The following COL1A2 variants were observed in gnomAD, a reference collection of about 807,000 sequenced individuals.
COL1A2 encodes the protein collagen type I alpha 2 chain, also known as collagen alpha-2(I) chain.
In COL1A2, 49 loss-of-function variants were observed where a neutral mutation model predicts 174.3. That is an observed-to-expected ratio of 0.28 (90% CI 0.22 to 0.36). The LOEUF (loss-of-function observed/expected upper bound fraction) is 0.36. COL1A2 is among the 10% of genes least tolerant of loss of function. COL1A2 has a pLI of 1.00. For missense variants in COL1A2, 1,438 were observed against 1,822.7 expected (o/e 0.79, Z 3.84); for synonymous variants, 655 against 606.6 (o/e 1.08, Z -1.17).
chr7:94,417,113 A>T (rs945470346), intron 31 of COL1A2, among the ~76,000 whole-genome samples: 3 of 152,226 alleles, frequency 2.0e-5, no homozygotes, highest in Non-Finnish European at 4.4e-5. Context: ...CATTAGTTGC[A>T]AAAAGCTATT....
rs529857471 is a variant in COL1A2 at position 94,424,849 on chromosome 7, T to C, written c.2674-268T>C. The C allele has an allele frequency of 1.3e-4, 66 of 512,256 alleles. 1 individual carries two copies. The South Asian group carries it at 1.3e-3, about 10-fold the overall frequency. 31.7% of individuals were successfully genotyped at this position (512,256 alleles called of 1,614,324 possible). ...CATCTCCATAAAATATATCAACTTT[T>C]TGAATTCATTTCATTTGGGATACTG... On this transcript the variant is annotated intron_variant, in intron 41 of 51. Transcript: ENST00000297268.
At chr7:94,415,317 T>C in intron 30 of COL1A2, 47 bp downstream of exon 30, 2 of 1,557,710 alleles carry the variant, frequency 1.3e-6, no homozygotes, top group Non-Finnish European at 1.8e-6. Context: ...AATGTGTTTT[T>C]AAAAGTAGTA....
At chr7:94,401,467 A>C in intron 5 of COL1A2, 100 bp from the exon 6 acceptor site, 1 of 465,676 alleles carries the variant, frequency 2.1e-6, no homozygotes. Context: ...TTAAATAACA[A>C]CAGAAAAATA....
At chr7:94,410,610 G>C (rs773404326) in intron 21 of COL1A2, 83 bp downstream of exon 21, 1 of 1,235,350 alleles carries the variant, frequency 8.1e-7, no homozygotes, top group Non-Finnish European at 1.2e-6. Context: ...CAAAATTACT[G>C]ACTGTGTTTT....
At chr7:94,408,264 C>T (rs2115888176) in intron 14 of COL1A2, 28 bp downstream of exon 14, 1 of 1,613,588 alleles carries the variant, frequency 6.2e-7, no homozygotes, top group South Asian at 1.1e-5. Flanking sequence ...TGTTCAGTTT[C>T]ATCCTTTTAA....
At chr7:94,426,831 G>GA (rs916974058) in intron 46 of COL1A2, 177 bp from the exon 47 acceptor site, 650 of 649,674 alleles carry the variant, frequency 1.0e-3, no homozygotes, top group African/African-American at 1.6e-3. Context: ...AATAGGTTGT[G>GA]AAAAAAAAAT....
At chr7:94,403,091 A>G (rs1791718501) in intron 6 of COL1A2, among the ~76,000 whole-genome samples, 1 of 152,158 alleles carries the variant, frequency 6.6e-6, no homozygotes, top group South Asian at 2.1e-4. Flanking sequence ...CAGTACCTAC[A>G]TCTCAAGAAG....
Position 94,424,307 on chromosome 7 carries a change from A to G in COL1A2, c.2566-29A>G, listed in dbSNP as rs371579053. On this transcript the variant is annotated intron_variant, in intron 40 of 51. Transcript: ENST00000297268. Reference sequence around the variant, plus strand: ...TGTGTTATCACCTAGGGTCTTACCCATAATACTCAGTATTTTTTCTCTATT... The same window carrying G: ...TGTGTTATCACCTAGGGTCTTACCCGTAATACTCAGTATTTTTTCTCTATT... 54 of 1,586,530 alleles carry G rather than the reference A, an allele frequency of 3.4e-5. No homozygotes were observed. In the African/African-American group the frequency reaches 5.5e-4, roughly 16 times the overall value.
At chr7:94,421,974 T>C (rs1359345281) in intron 39 of COL1A2, 22 bp downstream of exon 39, 2 of 1,610,582 alleles carry the variant, frequency 1.2e-6, no homozygotes, top group African/African-American at 2.7e-5. Flanking sequence ...ACTGTAAACG[T>C]GTCTTCATTT....
chr7:94,397,249 A>T (rs1158625328), intron 1 of COL1A2, among the ~76,000 whole-genome samples: 3 of 152,200 alleles, frequency 2.0e-5, no homozygotes, highest in Non-Finnish European at 4.4e-5. Flanking sequence ...AATGTTTTAT[A>T]AAAAAGTAAG....
chr7:94,428,130 A>T (rs1792321444), intron 49 of COL1A2, among the ~76,000 whole-genome samples, 163 bp from the exon 50 acceptor site: 1 of 152,160 alleles, frequency 6.6e-6, no homozygotes, highest in Non-Finnish European at 1.5e-5. Flanking sequence ...AGGGGAGGGA[A>T]GGAACTGTCT....
intron 41 of COL1A2, chr7:94,424,687 A>G (rs1196869412): frequency 5.6e-6 from 3 of 538,002 alleles, no homozygotes; most frequent in South Asian, 2.1e-5. Context: ...GCACTTAGGA[A>G]TGATACAATC....
chr7:94,406,569 C>T (rs1791802187), intron 12 of COL1A2, among the ~76,000 whole-genome samples: 1 of 151,916 alleles, frequency 6.6e-6, no homozygotes, highest in African/African-American at 2.4e-5. Flanking sequence ...TCCTTTCCTC[C>T]CTCTATAATT....
chr7:94,398,146 G>A (rs558127917), intron 2 of COL1A2, among the ~76,000 whole-genome samples: 3 of 152,202 alleles, frequency 2.0e-5, no homozygotes, highest in Admixed American at 2.0e-4. Context: ...AGTTGAATTT[G>A]AGGCATAAGT....
At chr7:94,409,135 A>T (rs1337531533) in intron 16 of COL1A2, among the ~76,000 whole-genome samples, 187 bp from the exon 17 acceptor site, 4 of 152,228 alleles carry the variant, frequency 2.6e-5, no homozygotes, top group Non-Finnish European at 5.9e-5. Flanking sequence ...TAGTAACAGT[A>T]GCCAAGATGG....
At chr7:94,427,166 A>G (rs1296307911) in intron 47 of COL1A2, 22 bp from the exon 48 acceptor site, 2 of 1,612,852 alleles carry the variant, frequency 1.2e-6, no homozygotes, top group South Asian at 1.1e-5. Flanking sequence ...GCTCACATGT[A>G]CCTGGTGTCT....
chr7:94,409,397 C>T lies in COL1A2; in HGVS notation c.868C>T (p.Leu290Phe). 6.2e-7 allele frequency: 1 copy of T among 1,614,136 alleles called. No individual in the cohort carries two copies. The highest frequency in any genetic ancestry group is 8.5e-7 in the Non-Finnish European group (1 of 1,180,028). Residue 290 changes from leucine (L) to phenylalanine (F), a missense_variant, in exon 17 of 52, where the codon CTC becomes TTC. Physicochemically the swap from Leu to Phe is conservative, Grantham distance 22. Coordinates refer to ENST00000297268, the MANE Select transcript of COL1A2 (RefSeq NM_000089.4). ...CCGTGGTGAAGTGGGTCTTCCAGGCCTCTCCGGCCCCGTTGGACCTCCTGT... is the reference window on the plus strand; with the variant it reads ...CCGTGGTGAAGTGGGTCTTCCAGGCTTCTCCGGCCCCGTTGGACCTCCTGT... ...GPRGEVGLPG[L>F]SGPVGPPGNP...
At chr7:94,409,505 AAAG>A (rs1562900886) in intron 17 of COL1A2, 56 bp from the exon 18 acceptor site, 1 of 1,612,798 alleles carries the variant, frequency 6.2e-7, no homozygotes, top group Non-Finnish European at 8.5e-7. Flanking sequence ...AGATGGGGTC[AAAG>A]AAGAACCGAA....
At position 94,419,615 on chromosome 7, in the gene COL1A2, AAG is replaced by A. The variant is rs1792110779; in HGVS notation, c.2079+67_2079+68del. On this transcript the variant is annotated intron_variant, in intron 34 of 51. Coordinates refer to ENST00000297268, the MANE Select transcript of COL1A2 (RefSeq NM_000089.4). The stretch of plus-strand genomic sequence containing the variant: ...AAATTTCCCGCCTTCCCTAGTCCCA[AAG>A]AGCCCCAGCAATTCATTTTTATGGC... 13 of 1,570,136 alleles carry A rather than the reference AAG, an allele frequency of 8.3e-6. No homozygotes were observed. In the South Asian group the frequency reaches 1.3e-4, roughly 16 times the overall value.
Sources: allele counts gnomAD v4.1 joint callset (sites outside exome capture counted in the v4.1 genomes callset), GRCh38; gene constraint gnomAD v4.1.1; transcripts MANE v1.5; gene names NCBI Gene and HGNC (gene_info 2026-07-23, HGNC 2026-07-21).